TNRC6B: variants seen among roughly 807,000 people sequenced by gnomAD.
TNRC6B encodes the protein trinucleotide repeat containing adaptor 6B.
A neutral mutation model predicts 203.6 loss-of-function variants in TNRC6B; 52 were observed. That is an observed-to-expected ratio of 0.26 (90% CI 0.20 to 0.32). The LOEUF (loss-of-function observed/expected upper bound fraction) is 0.32. Among genes scored for constraint, TNRC6B ranks in the 10% least tolerant of loss-of-function variants. The pLI is 1.00. For missense variants in TNRC6B, 1,923 were observed against 2,286.2 expected (o/e 0.84, Z 3.24); for synonymous variants, 838 against 845.7 (o/e 0.99, Z 0.16).
At chr22:40,140,410 C>T (rs995327076) in intron 3 of TNRC6B, among the ~76,000 whole-genome samples, 2 of 152,192 alleles carry the variant, frequency 1.3e-5, no homozygotes, top group African/African-American at 4.8e-5. Context: ...TCTCTCCTTT[C>T]TGCTACATGG....
At chr22:40,136,559 C>A (rs1231044689) in intron 3 of TNRC6B, among the ~76,000 whole-genome samples, 1 of 151,610 alleles carries the variant, frequency 6.6e-6, no homozygotes, top group Non-Finnish European at 1.5e-5. Flanking sequence ...GCCACCACAC[C>A]GAGCTAAATT....
chr22:40,149,947 A>G (rs1246219891), intron 3 of TNRC6B, among the ~76,000 whole-genome samples: 1 of 152,104 alleles, frequency 6.6e-6, no homozygotes, highest in Non-Finnish European at 1.5e-5. Flanking sequence ...TACAGGCATG[A>G]GCTACTGCAC....
chr22:40,063,419 A>G lies in TNRC6B; in HGVS notation c.-121+18421A>G, dbSNP rs573300706. Among the ~76,000 whole-genome samples the G allele has an allele frequency of 9.2e-5, 14 of 152,314 alleles. 1 individual carries two copies. The highest frequency in any genetic ancestry group is 4.1e-4 in the South Asian group (2 of 4,826). On this transcript the variant is annotated intron_variant, in intron 1 of 23. Coordinates refer to the TNRC6B transcript ENST00000301923. ...CCTTCTGGATCCCTTGAATTTCCAC[A>G]TGAATTTTAGGATCAGCTTCTCCAT...
At chr22:40,233,946 T>C (rs1331009373) in intron 1 of TNRC6B, among the ~76,000 whole-genome samples, 2 of 152,154 alleles carry the variant, frequency 1.3e-5, no homozygotes, top group Non-Finnish European at 2.9e-5. Context: ...TGTCATCGTT[T>C]CAGTAGAGTT....
At chr22:40,285,588 C>G (rs1291052673) in intron 11 of TNRC6B, 57 bp from the exon 12 acceptor site, 1 of 1,581,858 alleles carries the variant, frequency 6.3e-7, no homozygotes, top group African/African-American at 1.4e-5. Flanking sequence ...AGAACTGTTT[C>G]TTACTTGCAT....
chr22:40,234,892 T>G (rs1324320771), intron 1 of TNRC6B, among the ~76,000 whole-genome samples: 1 of 152,178 alleles, frequency 6.6e-6, no homozygotes, highest in Non-Finnish European at 1.5e-5. Context: ...TAAGAACAAA[T>G]CCAATATACA....
At chr22:40,313,057 A>G in intron 19 of TNRC6B, 60 bp downstream of exon 19, 1 of 1,351,436 alleles carries the variant, frequency 7.4e-7, no homozygotes, top group Non-Finnish European at 1.0e-6. Context: ...GTTCCCTTTT[A>G]TAAAGGAAAC....
chr22:40,135,916 C>T (rs2068595192), intron 3 of TNRC6B, among the ~76,000 whole-genome samples: 1 of 152,192 alleles, frequency 6.6e-6, no homozygotes, highest in African/African-American at 2.4e-5. Context: ...ATATCTGTAT[C>T]TTTACATTCA....
At position 40,266,220 on chromosome 22, in the gene TNRC6B, G is replaced by A; in HGVS notation, c.1990G>A (p.Gly664Arg). ...CGCTGCCACACAGACCAAGAACTCAGGGGGCTGGGGAGATGCACCCAGCCA... is the reference window on the plus strand; with the variant it reads ...CGCTGCCACACAGACCAAGAACTCAAGGGGCTGGGGAGATGCACCCAGCCA... ...ESAATQTKNS[G>R]GWGDAPSQSN... The change falls in exon 5 of 23, where the codon GGG becomes AGG. Residue 664 changes from glycine (G) to arginine (R), a missense_variant. Transcript: ENST00000454349. 1 of 1,608,148 alleles carries A rather than the reference G, an allele frequency of 6.2e-7. No individual in the cohort carries two copies. Among genetic ancestry groups the A allele is most frequent in the Non-Finnish European group, 8.5e-7 (1 of 1,176,972 alleles).
chr22:40,124,795 A>G (rs2068474131), intron 2 of TNRC6B, among the ~76,000 whole-genome samples: 1 of 152,006 alleles, frequency 6.6e-6, no homozygotes, highest in African/African-American at 2.4e-5. Context: ...CGGTCGGATC[A>G]CGAGGTCAGG....
At chr22:40,050,203 TGGG>T (rs2067733552) in intron 1 of TNRC6B, among the ~76,000 whole-genome samples, 1 of 152,184 alleles carries the variant, frequency 6.6e-6, no homozygotes, top group African/African-American at 2.4e-5. Flanking sequence ...GAGAGGAGCA[TGGG>T]TAGTTGGAGC....
Position 40,323,112 on chromosome 22 carries a change from A to C in TNRC6B, c.5373A>C (p.Ser1791=). ...GCGGGGCCGATCTTGCTGGCGCTTCATTGTGGGGGCCCCCAAACTATTCTT... is the reference window on the plus strand; with the variant it reads ...GCGGGGCCGATCTTGCTGGCGCTTCCTTGTGGGGGCCCCCAAACTATTCTT... ...GSSGADLAGA[S]LWGPPNYSSS... Residue 1791 remains serine, a synonymous_variant, in exon 23 of 23, where the codon TCA becomes TCC. Transcript: ENST00000454349. 6.2e-7 allele frequency: 1 copy of C among 1,612,476 alleles called. No homozygotes were observed. The highest frequency in any genetic ancestry group is 8.5e-7 in the Non-Finnish European group (1 of 1,179,172).
chr22:40,287,077 A>G (rs2070794888), intron 12 of TNRC6B, among the ~76,000 whole-genome samples: 1 of 152,082 alleles, frequency 6.6e-6, no homozygotes, highest in Admixed American at 6.6e-5. Flanking sequence ...GGTGTGATCC[A>G]TAGCTCATGG....
rs60000368 is a variant in TNRC6B, at chr22:40,335,477, C to CAAAAA, written c.*12248_*12252dup. ...GTACTGTATTTCTCATGCTGGATTT[C>CAAAAA]AAAAAAAAAAAAAAAAGTATCAAAA... is the stretch of plus-strand genomic sequence containing the variant. On this transcript the variant is annotated 3_prime_UTR_variant, in exon 23 of 23. Transcript: ENST00000454349. 1.2e-5 allele frequency: 1 copy of CAAAAA among 86,816 alleles called. No homozygotes were observed. The highest frequency in any genetic ancestry group is 3.9e-5 in the African/African-American group (1 of 25,376). 5.4% of individuals were successfully genotyped at this position (86,816 alleles called of 1,614,324 possible).
chr22:40,275,348 C>G (rs2070624463), intron 7 of TNRC6B, among the ~76,000 whole-genome samples: 2 of 152,090 alleles, frequency 1.3e-5, no homozygotes, highest in Admixed American at 1.3e-4. Flanking sequence ...TAATAAATAC[C>G]TCTCTAGGTT....
intron 1 of TNRC6B, among the ~76,000 whole-genome samples, chr22:40,112,536 CT>C (rs1178003124): frequency 6.6e-6 from 1 of 152,198 alleles, no homozygotes; most frequent in Admixed American, 6.5e-5. Context: ...CAGGATGCCC[CT>C]GGCCCAGTGG....
intron 18 of TNRC6B, 74 bp downstream of exon 18, chr22:40,312,725 T>C: frequency 6.5e-7 from 1 of 1,536,226 alleles, no homozygotes. Context: ...ACTTCATTTG[T>C]ACTTGCTGGT....
intron 3 of TNRC6B, among the ~76,000 whole-genome samples, chr22:40,128,544 G>A (rs553222100): frequency 1.9e-4 from 29 of 149,626 alleles, no homozygotes; most frequent in South Asian, 6.3e-4. Flanking sequence ...GTATGATCAC[G>A]GCTCACGGCT....
chr22:40,258,548 T>C (rs1464244639), intron 3 of TNRC6B, among the ~76,000 whole-genome samples: 2 of 152,214 alleles, frequency 1.3e-5, no homozygotes, highest in South Asian at 4.1e-4. Context: ...TTGCTATGAC[T>C]AAGGTGGTGT....
Sources: allele counts gnomAD v4.1 joint callset (sites outside exome capture counted in the v4.1 genomes callset), GRCh38; gene constraint gnomAD v4.1.1; transcripts MANE v1.5; gene names NCBI Gene and HGNC (gene_info 2026-07-23, HGNC 2026-07-21).